MYO3B: variants seen among roughly 807,000 people sequenced by gnomAD.
The protein encoded by MYO3B is myosin-IIIb.
Under a neutral mutation model 174.6 loss-of-function variants are expected in MYO3B, and 156 were observed. The observed-to-expected ratio is 0.89, with a 90% CI of 0.78 to 1.02. The LOEUF (loss-of-function observed/expected upper bound fraction) is 1.02. MYO3B is among the 50% of genes least tolerant of loss of function. The pLI is 0.00. For synonymous variants in MYO3B, 563 were observed against 569.1 expected (o/e 0.99, Z 0.15); for missense variants, 1,632 against 1,639.4 (o/e 1.00, Z 0.08).
intron 22 of MYO3B, among the ~76,000 whole-genome samples, chr2:170,422,961 C>A (rs1233075749): frequency 7.3e-6 from 1 of 137,596 alleles, no homozygotes; most frequent in African/African-American, 2.7e-5. Context: ...TTTAGACCAA[C>A]CATATTTCTT....
At chr2:170,391,498 C>G in intron 14 of MYO3B, 22 bp from the exon 15 acceptor site, 1 of 1,218,320 alleles carries the variant, frequency 8.2e-7, no homozygotes, top group Non-Finnish European at 1.1e-6. Flanking sequence ...TATATTATTA[C>G]TAAAGTCTCT....
chr2:170,597,186 C>T (rs1448093737), intron 32 of MYO3B, among the ~76,000 whole-genome samples: 2 of 151,964 alleles, frequency 1.3e-5, no homozygotes, highest in African/African-American at 2.4e-5. Flanking sequence ...GCCTGGCCAA[C>T]GTGGTGAAAC....
Position 170,206,565 on chromosome 2 carries a change from G to A in MYO3B, c.321+6281G>A, listed in dbSNP as rs1217710650. Among the ~76,000 whole-genome samples the A allele has an allele frequency of 1.3e-5, 2 of 152,192 alleles. No homozygotes were observed. The highest frequency in any genetic ancestry group is 3.9e-4 in the East Asian group (2 of 5,194). On this transcript the variant is annotated intron_variant, in intron 3 of 34. Coordinates refer to ENST00000408978, the MANE Select transcript of MYO3B (RefSeq NM_138995.5). The surrounding 1 kb of genome is among the most constrained non-coding windows in gnomAD (Gnocchi z 4.3). ...TTGAGCCCCCAGCCTGACTAAAGGA[G>A]GCAACTGATTCTAACCCATTTTGTT... is the stretch of plus-strand genomic sequence containing the variant.
intron 6 of MYO3B, among the ~76,000 whole-genome samples, chr2:170,232,710 C>T (rs1309164683): frequency 6.6e-6 from 1 of 152,230 alleles, no homozygotes; most frequent in Non-Finnish European, 1.5e-5. Context: ...ATAGCACCTA[C>T]TTTGCCAAAT....
chr2:170,527,002 C>T (rs759741643), intron 30 of MYO3B, among the ~76,000 whole-genome samples: 1 of 152,192 alleles, frequency 6.6e-6, no homozygotes, highest in African/African-American at 2.4e-5. Context: ...CTTTTGTTTT[C>T]ATATTCTGTA....
At chr2:170,276,834 T>C (rs1485289049) in intron 7 of MYO3B, among the ~76,000 whole-genome samples, 1 of 152,218 alleles carries the variant, frequency 6.6e-6, no homozygotes, top group Non-Finnish European at 1.5e-5. Context: ...AACTGTTTTT[T>C]TGCTTTATAA....
chr2:170,548,950 T>G (rs1690709597), intron 32 of MYO3B, among the ~76,000 whole-genome samples: 1 of 152,260 alleles, frequency 6.6e-6, no homozygotes, highest in African/African-American at 2.4e-5. Flanking sequence ...TTTCTTCTCC[T>G]TCTTCCTTTT....
intron 3 of MYO3B, among the ~76,000 whole-genome samples, chr2:170,212,955 G>T (rs188875838): frequency 6.6e-6 from 1 of 152,326 alleles, no homozygotes; most frequent in East Asian, 1.9e-4. Flanking sequence ...TATCTCAGTA[G>T]CTTTTAGAAT....
intron 32 of MYO3B, among the ~76,000 whole-genome samples, chr2:170,611,342 TTTTG>T (rs1229576946): frequency 2.6e-5 from 4 of 152,208 alleles, no homozygotes; most frequent in African/African-American, 7.2e-5. Flanking sequence ...GATTGGGCTT[TTTTG>T]TTTGTTTGTT....
chr2:170,268,911 G>A (rs2093404490), intron 7 of MYO3B, among the ~76,000 whole-genome samples: 1 of 151,990 alleles, frequency 6.6e-6, no homozygotes, highest in Non-Finnish European at 1.5e-5. Context: ...ACTTAACCTG[G>A]TCAAACCACT....
chr2:170,629,879 T>C (rs921181506), intron 32 of MYO3B, among the ~76,000 whole-genome samples: 1 of 152,074 alleles, frequency 6.6e-6, no homozygotes, highest in Non-Finnish European at 1.5e-5. Flanking sequence ...CACACAATAA[T>C]GAACTAGAAT....
chr2:170,512,365 C>A (rs912954298), intron 28 of MYO3B, among the ~76,000 whole-genome samples: 4 of 152,212 alleles, frequency 2.6e-5, no homozygotes, highest in Admixed American at 2.6e-4. Flanking sequence ...TGGCTGATGA[C>A]CAGCTGTCAG....
intron 7 of MYO3B, among the ~76,000 whole-genome samples, chr2:170,262,142 C>T (rs1375601370): frequency 6.6e-6 from 1 of 152,136 alleles, no homozygotes; most frequent in Non-Finnish European, 1.5e-5. Flanking sequence ...CAAGGAGATC[C>T]AGGGAGGCCT....
chr2:170,346,053 A>G (rs146897466), intron 8 of MYO3B: 4 of 152,256 alleles, frequency 2.6e-5, no homozygotes, highest in African/African-American at 9.6e-5. Context: ...TAGCAGCCCT[A>G]GGAAATTAAT....
intron 32 of MYO3B, among the ~76,000 whole-genome samples, chr2:170,605,980 CCTT>C (rs1412946766): frequency 2.0e-5 from 3 of 152,136 alleles, no homozygotes; most frequent in Admixed American, 2.0e-4. Flanking sequence ...TCTGTTTTGA[CCTT>C]CTGAATACAT....
intron 8 of MYO3B, among the ~76,000 whole-genome samples, chr2:170,362,127 C>A (rs1574851269): frequency 6.6e-6 from 1 of 152,164 alleles, no homozygotes; most frequent in Non-Finnish European, 1.5e-5. Context: ...CACTGGTGCA[C>A]ACGTCTTAAC....
chr2:170,443,666 G>A (rs950150626), intron 22 of MYO3B, among the ~76,000 whole-genome samples: 5 of 151,798 alleles, frequency 3.3e-5, no homozygotes, highest in African/African-American at 4.8e-5. Context: ...ATTAATTTTT[G>A]TATAAGGTGA....
At chr2:170,404,132 TC>T (rs2094495664) in intron 19 of MYO3B, 114 bp from the exon 20 acceptor site, 1 of 1,026,772 alleles carries the variant, frequency 9.7e-7, no homozygotes, top group Non-Finnish European at 1.4e-6. Flanking sequence ...ATAAAACATA[TC>T]CTGCTTTCCA....
chr2:170,327,430 C>T (rs915240944), intron 7 of MYO3B, among the ~76,000 whole-genome samples: 27 of 152,154 alleles, frequency 1.8e-4, no homozygotes, highest in African/African-American at 6.5e-4. Context: ...TAACTACAAG[C>T]TTTTGCTTTT....
Sources: allele counts gnomAD v4.1 joint callset (sites outside exome capture counted in the v4.1 genomes callset), GRCh38; gene constraint gnomAD v4.1.1; non-coding constraint Gnocchi (gnomAD v3.1); transcripts MANE v1.5; gene names NCBI Gene and HGNC (gene_info 2026-07-23, HGNC 2026-07-21).